The following GBF1 variants were observed in gnomAD, a reference collection of about 807,000 sequenced individuals.
The protein encoded by GBF1 is golgi brefeldin A resistant guanine nucleotide exchange factor 1.
In GBF1, 114 loss-of-function variants were observed where a neutral mutation model predicts 210.5. That is an observed-to-expected ratio of 0.54 (90% CI 0.47 to 0.63). The LOEUF (loss-of-function observed/expected upper bound fraction) is 0.63, where lower values mean the gene tolerates loss of function less well. Among genes scored for constraint, GBF1 ranks in the 30% least tolerant of loss-of-function variants. The probability of loss-of-function intolerance (pLI) is 0.00; values close to 1 mark genes in which losing one functional copy is unlikely to be tolerated. For synonymous variants in GBF1, 850 were observed against 889.2 expected (o/e 0.96, Z 0.78); for missense variants, 1,851 against 2,357.7 (o/e 0.79, Z 4.45).
chr10:102,271,555 C>T (rs1362759961), intron 3 of GBF1, among the ~76,000 whole-genome samples: 2 of 149,994 alleles, frequency 1.3e-5, no homozygotes, highest in Non-Finnish European at 3.0e-5. Context: ...TTTGAGGACA[C>T]CAGCCCATTT....
chr10:102,235,619 G>A, the GBF1 span, among the ~76,000 whole-genome samples: 1 of 152,138 alleles, frequency 6.6e-6, no homozygotes, highest in Non-Finnish European at 1.5e-5. Context: ...CTCTACCTGA[G>A]TAGTTTTTTT....
intron 1 of GBF1, among the ~76,000 whole-genome samples, chr10:102,254,801 G>A (rs767550462): frequency 6.6e-5 from 10 of 151,854 alleles, no homozygotes; most frequent in Non-Finnish European, 1.2e-4. Context: ...TCTGACACAA[G>A]ATAAATCTTA....
rs748615360 is a variant in GBF1, at chr10:102,369,245, A to G, written c.3008A>G (p.Asn1003Ser). The change falls in exon 24 of 40, where the codon AAC (asparagine) becomes AGC (serine). Residue 1003 changes from asparagine to serine, a missense_variant. By Grantham distance (46) the Asn-to-Ser change is conservative (BLOSUM62 1). This residue lies in a region of GBF1 where 967 missense variants were observed against 1,247.7 expected (regional missense o/e 0.78). Transcript: ENST00000369983. ...AACCTGCCCAGTGTATTTGGAAGCA[A>G]CCCTAAAGCCCATATTGCAGCCAAG... ...IENLPSVFGS[N>S]PKAHIAAKTV... is the part of the protein sequence containing the mutation. 3 of 1,613,810 alleles carry G rather than the reference A, an allele frequency of 1.9e-6. No individual in the cohort carries two copies. Among genetic ancestry groups the G allele is most frequent in the Non-Finnish European group, 8.5e-7 (1 of 1,179,754 alleles).
intron 3 of GBF1, among the ~76,000 whole-genome samples, chr10:102,313,897 C>G (rs1001390034): frequency 4.6e-5 from 7 of 152,074 alleles, no homozygotes; most frequent in Admixed American, 4.6e-4. Context: ...CAAAAGGAGG[C>G]TGAGCTCTCT....
chr10:102,378,938 A>G (rs1210257419), intron 33 of GBF1, among the ~76,000 whole-genome samples: 1 of 152,218 alleles, frequency 6.6e-6, no homozygotes, highest in Non-Finnish European at 1.5e-5. Context: ...TGCCTCAAAA[A>G]ATAAAATTAA....
At chr10:102,231,724 T>C in the GBF1 span, 5 of 1,610,468 alleles carry the variant, frequency 3.1e-6, no homozygotes, top group African/African-American at 4.0e-5. Flanking sequence ...CTGCCGCCGC[T>C]GCTTCTTTTT....
Position 102,258,950 on chromosome 10 carries a change from G to T in GBF1, c.12G>T (p.Lys4Asn). The T allele has an allele frequency of 6.3e-7, 1 of 1,594,936 alleles. No individual in the cohort carries two copies. Among genetic ancestry groups the T allele is most frequent in the South Asian group, 1.1e-5 (1 of 90,704 alleles). ...GTAGGTTTGCCAAGATGGTGGATAA[G>T]AATATTTACATCATTCAAGGGGAGA... is the stretch of plus-strand genomic sequence containing the variant. Reference protein sequence around the residue: MVDKNIYIIQGEIN... With the variant: MVDNNIYIIQGEIN... Residue 4 changes from lysine to asparagine, a missense_variant, in exon 2 of 40, where the codon AAG becomes AAT. Transcript: ENST00000369983.
intron 3 of GBF1, among the ~76,000 whole-genome samples, chr10:102,333,687 A>C (rs1259032111): frequency 6.6e-6 from 1 of 152,100 alleles, no homozygotes; most frequent in Non-Finnish European, 1.5e-5. Flanking sequence ...TCAGCCTCCC[A>C]AAGTGCTGGG....
At chr10:102,316,536 A>G (rs936444803) in intron 3 of GBF1, among the ~76,000 whole-genome samples, 1 of 152,198 alleles carries the variant, frequency 6.6e-6, no homozygotes, top group Non-Finnish European at 1.5e-5. Context: ...TTTAACAAGC[A>G]TTAGGAACAG....
At chr10:102,246,010 C>T (rs2070781336) in intron 1 of GBF1, among the ~76,000 whole-genome samples, 1 of 152,168 alleles carries the variant, frequency 6.6e-6, no homozygotes, top group Admixed American at 6.5e-5. Context: ...CATTACTGAT[C>T]CTTTGCAGGT....
Position 102,379,963 on chromosome 10 carries a change from C to A in GBF1, c.4878+9C>A. ...CCACATTGCTCTCTAAGGTACTGCTCACCACCCTATACCCACCCTCTCTCC... is the reference window on the plus strand; with the variant it reads ...CCACATTGCTCTCTAAGGTACTGCTAACCACCCTATACCCACCCTCTCTCC... On this transcript the variant is annotated intron_variant, in intron 36 of 39. Transcript: ENST00000369983. 6.4e-7 allele frequency: 1 copy of A among 1,551,870 alleles called. No homozygotes were observed. The highest frequency in any genetic ancestry group is 8.9e-7 in the Non-Finnish European group (1 of 1,125,720).
intron 3 of GBF1, among the ~76,000 whole-genome samples, chr10:102,276,892 A>T (rs2075029121): frequency 6.6e-6 from 1 of 152,012 alleles, no homozygotes; most frequent in African/African-American, 2.4e-5. Context: ...AATTTTCTTG[A>T]ATTTTTATTT....
chr10:102,261,015 A>T (rs1033085560), intron 3 of GBF1, among the ~76,000 whole-genome samples: 1 of 152,110 alleles, frequency 6.6e-6, no homozygotes. Flanking sequence ...TTGAACTTTT[A>T]TACAACCCTG....
chr10:102,244,269 C>T (rs898107849), upstream of GBF1, among the ~76,000 whole-genome samples: 1 of 152,160 alleles, frequency 6.6e-6, no homozygotes, highest in Non-Finnish European at 1.5e-5. Flanking sequence ...GGACTTGGGT[C>T]GTCCATAATT....
the GBF1 span, chr10:102,231,065 G>C: frequency 6.4e-7 from 1 of 1,570,728 alleles, no homozygotes. Context: ...CTGCGCTCGC[G>C]CTTCCGCCAT....
chr10:102,343,650 C>T (rs2058340866), intron 3 of GBF1, among the ~76,000 whole-genome samples: 1 of 151,932 alleles, frequency 6.6e-6, no homozygotes, highest in Admixed American at 6.6e-5. Flanking sequence ...GTAACCCCAT[C>T]TCTACTAAAA....
intron 8 of GBF1, among the ~76,000 whole-genome samples, chr10:102,357,468 C>A (rs1442175814): frequency 1.2e-4 from 17 of 143,030 alleles, no homozygotes; most frequent in African/African-American, 4.4e-4. Context: ...GCCTGGGTGG[C>A]AAAGCTAGAC....
intron 3 of GBF1, among the ~76,000 whole-genome samples, chr10:102,306,898 A>G (rs1224515661): frequency 6.6e-6 from 1 of 152,212 alleles, no homozygotes; most frequent in African/African-American, 2.4e-5. Context: ...TGTGTCCACA[A>G]TGTGGGCAGC....
At position 102,382,860 on chromosome 10, in the gene GBF1, G is replaced by A. The variant is rs756938106; in HGVS notation, c.*524G>A. ...CATATGGAAAAACAGAACAACAGTG[G>A]ACTTTTTATGATATAATAAATGTCT... On this transcript the variant is annotated 3_prime_UTR_variant, in exon 40 of 40. Coordinates refer to ENST00000369983, the MANE Select transcript of GBF1 (RefSeq NM_001377137.1). The A allele has an allele frequency of 1.3e-5, 2 of 153,942 alleles. No homozygotes were observed. Among genetic ancestry groups the A allele is most frequent in the East Asian group, 3.8e-4 (2 of 5,216 alleles). The allele number at this position is 153,942 out of a possible 1,614,324, so 9.5% of individuals were successfully genotyped here.
Sources: allele counts gnomAD v4.1 joint callset (sites outside exome capture counted in the v4.1 genomes callset), GRCh38; gene constraint gnomAD v4.1.1; regional missense constraint gnomAD v4.1.1; transcripts MANE v1.5; gene names NCBI Gene and HGNC (gene_info 2026-07-23, HGNC 2026-07-21).